KIF26B: variants seen among roughly 807,000 people sequenced by gnomAD.
KIF26B encodes the protein kinesin family member 26B.
Under a neutral mutation model 151.2 loss-of-function variants are expected in KIF26B, and 63 were observed. The observed-to-expected ratio is 0.42, with a 90% CI of 0.34 to 0.51. The LOEUF (loss-of-function observed/expected upper bound fraction) is 0.51, where lower values mean the gene tolerates loss of function less well. KIF26B is among the 20% of genes least tolerant of loss of function. The pLI, the probability that KIF26B is intolerant of heterozygous loss-of-function variation, is 0.07. For missense variants in KIF26B, 2,813 were observed against 2,913.6 expected (o/e 0.97, Z 0.79); for synonymous variants, 1,357 against 1,262.1 (o/e 1.08, Z -1.59).
intron 14 of KIF26B, among the ~76,000 whole-genome samples, chr1:245,701,891 T>C (rs2147971625): frequency 6.6e-6 from 1 of 152,284 alleles, no homozygotes; most frequent in South Asian, 2.1e-4. Flanking sequence ...CGGCCACCTC[T>C]GGACAAAGCA....
intron 2 of KIF26B, among the ~76,000 whole-genome samples, chr1:245,177,927 AG>A (rs201276846): frequency 0.011 from 1,648 of 152,226 alleles, 21 homozygotes; most frequent in African/African-American, 0.038. Context: ...GAAGGTAAAA[AG>A]GTTACATGAA....
intron 5 of KIF26B, among the ~76,000 whole-genome samples, chr1:245,589,601 A>G (rs1001961429): frequency 1.3e-5 from 2 of 152,242 alleles, no homozygotes; most frequent in Non-Finnish European, 2.9e-5. Flanking sequence ...ACTTTGGGGA[A>G]CAACGCCAGA....
At chr1:245,476,165 A>T (rs1660033807) in intron 4 of KIF26B, among the ~76,000 whole-genome samples, 1 of 151,908 alleles carries the variant, frequency 6.6e-6, no homozygotes, top group East Asian at 1.9e-4. Context: ...AAAAGGCCAC[A>T]TATAGTAAAC....
chr1:245,412,978 C>T (rs1266653084), intron 3 of KIF26B, among the ~76,000 whole-genome samples: 3 of 152,144 alleles, frequency 2.0e-5, no homozygotes, highest in African/African-American at 7.2e-5. Context: ...TTCATTTTCC[C>T]ACCACCCCGA....
intron 9 of KIF26B, among the ~76,000 whole-genome samples, chr1:245,640,293 C>G (rs925271923): frequency 1.3e-5 from 2 of 150,824 alleles, no homozygotes; most frequent in Non-Finnish European, 3.0e-5. Flanking sequence ...TTTATCTGAT[C>G]GAAGTATAGC....
At chr1:245,249,631 C>T (rs1303518264) in intron 2 of KIF26B, among the ~76,000 whole-genome samples, 1 of 151,538 alleles carries the variant, frequency 6.6e-6, no homozygotes, top group Non-Finnish European at 1.5e-5. Context: ...TACAGGTGCC[C>T]ACCACCACGC....
At chr1:245,684,497 A>G in intron 11 of KIF26B, 102 bp downstream of exon 11, 1 of 1,215,486 alleles carries the variant, frequency 8.2e-7, no homozygotes, top group African/African-American at 1.5e-5. Flanking sequence ...CCAATCCCCC[A>G]GCATCAGGAG....
intron 4 of KIF26B, among the ~76,000 whole-genome samples, chr1:245,457,585 A>C (rs1181312726): frequency 6.6e-6 from 1 of 152,210 alleles, no homozygotes; most frequent in Non-Finnish European, 1.5e-5. Context: ...CTTTTATCTC[A>C]TCCCCCTTTC....
Position 245,166,809 on chromosome 1 carries a change from C to T in KIF26B, c.465+10126C>T, listed in dbSNP as rs535296336. Among the ~76,000 whole-genome samples the T allele has an allele frequency of 6.6e-6, 1 of 152,292 alleles. No individual in the cohort carries two copies. Among genetic ancestry groups the T allele is most frequent in the Non-Finnish European group, 1.5e-5 (1 of 68,042 alleles). On this transcript the variant is annotated intron_variant, in intron 2 of 14. Coordinates refer to ENST00000407071, the MANE Select transcript of KIF26B (RefSeq NM_018012.4). The surrounding 1 kb of genome is among the most constrained non-coding windows in gnomAD (Gnocchi z 4.5). ...TGGGAATAAAGAAGTCACCCTCCCCCACCAAGCAGGATATCCTGCACATAC... is the reference window on the plus strand; with the variant it reads ...TGGGAATAAAGAAGTCACCCTCCCCTACCAAGCAGGATATCCTGCACATAC...
chr1:245,234,724 A>G (rs1159788956), intron 2 of KIF26B, among the ~76,000 whole-genome samples: 1 of 152,238 alleles, frequency 6.6e-6, no homozygotes, highest in Non-Finnish European at 1.5e-5. Flanking sequence ...TGATTTATTC[A>G]GCAGGGCATT....
At chr1:245,237,274 C>T (rs776795133) in intron 2 of KIF26B, among the ~76,000 whole-genome samples, 7 of 152,210 alleles carry the variant, frequency 4.6e-5, no homozygotes, top group South Asian at 2.1e-4. Context: ...CCTTAGACTA[C>T]GACTTAGAGC....
chr1:245,268,295 C>A (rs1170533821), intron 2 of KIF26B, among the ~76,000 whole-genome samples: 1 of 151,628 alleles, frequency 6.6e-6, no homozygotes, highest in Non-Finnish European at 1.5e-5. Flanking sequence ...CAGTGAAACC[C>A]CATCTCTACT....
At chr1:245,453,017 A>G (rs1057416758) in intron 4 of KIF26B, among the ~76,000 whole-genome samples, 1 of 152,096 alleles carries the variant, frequency 6.6e-6, no homozygotes, top group Non-Finnish European at 1.5e-5. Context: ...CCTAAGTTGC[A>G]AAGATTTACC....
intron 5 of KIF26B, among the ~76,000 whole-genome samples, chr1:245,551,445 G>C (rs564497664): frequency 6.6e-6 from 1 of 152,252 alleles, no homozygotes; most frequent in South Asian, 2.1e-4. Context: ...CTCGCTGGGA[G>C]GTATTTTTAT....
intron 4 of KIF26B, among the ~76,000 whole-genome samples, chr1:245,509,925 A>T (rs1660796272): frequency 6.6e-6 from 1 of 152,144 alleles, no homozygotes; most frequent in African/African-American, 2.4e-5. Flanking sequence ...GTGCTATTAC[A>T]GAGCCCCGTC....
At chr1:245,670,786 A>T (rs2044277349) in intron 10 of KIF26B, among the ~76,000 whole-genome samples, 1 of 152,212 alleles carries the variant, frequency 6.6e-6, no homozygotes, top group Admixed American at 6.5e-5. Flanking sequence ...ACAGACATGC[A>T]ATGTGAAATA....
At chr1:245,256,307 C>T (rs954754034) in intron 2 of KIF26B, among the ~76,000 whole-genome samples, 2 of 152,174 alleles carry the variant, frequency 1.3e-5, no homozygotes, top group African/African-American at 4.8e-5. Flanking sequence ...GGGTCCATGA[C>T]ATGTACTAGC....
At chr1:245,198,988 G>A in intron 2 of KIF26B, among the ~76,000 whole-genome samples, 1 of 152,084 alleles carries the variant, frequency 6.6e-6, no homozygotes, top group African/African-American at 2.4e-5. Flanking sequence ...GAGCTGAGCT[G>A]AGGCTGGAGT....
At chr1:245,192,255 G>A (rs536153541) in intron 2 of KIF26B, among the ~76,000 whole-genome samples, 2 of 151,898 alleles carry the variant, frequency 1.3e-5, no homozygotes, top group South Asian at 4.2e-4. Flanking sequence ...CAGGGGACGT[G>A]CTCATGATAT....
Sources: allele counts gnomAD v4.1 joint callset (sites outside exome capture counted in the v4.1 genomes callset), GRCh38; gene constraint gnomAD v4.1.1; non-coding constraint Gnocchi (gnomAD v3.1); transcripts MANE v1.5; gene names NCBI Gene and HGNC (gene_info 2026-07-23, HGNC 2026-07-21).